The following ADGRA2 variants were observed in gnomAD, a reference collection of about 807,000 sequenced individuals.
ADGRA2 encodes the protein G-protein coupled receptor 124.
ADGRA2 carries 61 observed loss-of-function variants against 98.7 expected under a neutral mutation model. The observed-to-expected ratio is 0.62, with a 90% CI of 0.50 to 0.76. The LOEUF is 0.76. Among genes scored for constraint, ADGRA2 ranks in the 30% least tolerant of loss-of-function variants. The pLI, the probability that ADGRA2 is intolerant of heterozygous loss-of-function variation, is 0.00. For missense variants in ADGRA2, 1,712 were observed against 1,860.0 expected (o/e 0.92, Z 1.46); for synonymous variants, 858 against 831.5 (o/e 1.03, Z -0.55).
At chr8:37,815,207 C>T (rs1365173398) in intron 2 of ADGRA2, among the ~76,000 whole-genome samples, 1 of 152,148 alleles carries the variant, frequency 6.6e-6, no homozygotes, top group African/African-American at 2.4e-5. Flanking sequence ...AAGTGGGGAG[C>T]GGGTTCTGAG....
chr8:37,812,353 C>T (rs1290200245), intron 1 of ADGRA2, among the ~76,000 whole-genome samples: 6 of 152,004 alleles, frequency 3.9e-5, no homozygotes, highest in African/African-American at 9.7e-5. Flanking sequence ...TGTGGCTGGG[C>T]GCGGTGGCTC....
In ADGRA2 at chr8:37,828,960, G is replaced by A. The variant is rs1341230783; in HGVS notation, c.410+1G>A. ...TGGGCCTGGGGGAGCTGAAGCGTTT[G>A]TGAGTGGCACGCCCTCCCCTGACCC... is the stretch of plus-strand genomic sequence containing the variant. On this transcript the variant is annotated splice_donor_variant, in intron 3 of 18. Coordinates refer to ENST00000412232, the MANE Select transcript of ADGRA2 (RefSeq NM_032777.10). LOFTEE classifies it high-confidence loss of function. 1 of 1,569,528 alleles carries A rather than the reference G, an allele frequency of 6.4e-7. No individual in the cohort carries two copies.
rs1804538101 is a variant in ADGRA2 at position 37,802,514 on chromosome 8, G to A, written c.266+4980G>A. Among the ~76,000 whole-genome samples, 1 of 152,166 alleles carries A rather than the reference G, an allele frequency of 6.6e-6. No individual in the cohort carries two copies. Among genetic ancestry groups the A allele is most frequent in the African/African-American group, 2.4e-5 (1 of 41,430 alleles). On this transcript the variant is annotated intron_variant, in intron 1 of 18. Transcript: ENST00000412232. This position sits in a 1 kb window ranked among gnomAD's most constrained non-coding sequence, Gnocchi z 4.7. ...CCAGAGACAGAGAAGGCCAGAGCAA[G>A]CCCAGAGACTCCAGCACCCACTCCC... is the stretch of plus-strand genomic sequence containing the variant.
chr8:37,831,115 T>G (rs1427313808), intron 7 of ADGRA2, among the ~76,000 whole-genome samples, 192 bp downstream of exon 7: 1 of 152,182 alleles, frequency 6.6e-6, no homozygotes, highest in Non-Finnish European at 1.5e-5. Context: ...TAGAACAAAA[T>G]GATGATACTT....
In ADGRA2 at chr8:37,844,756, C is replaced by G; in HGVS notation, c.*2401C>G. ...TTTCCCACCTCCCCTTCTCCTTGCC[C>G]CTGTCCCCACCCCGGTGGCTCCTTC... is the stretch of plus-strand genomic sequence containing the variant. On this transcript the variant is annotated 3_prime_UTR_variant, in exon 19 of 19. Transcript: ENST00000412232. 1 of 1,614,072 alleles carries G rather than the reference C, an allele frequency of 6.2e-7. No homozygotes were observed. The highest frequency in any genetic ancestry group is 1.3e-5 in the African/African-American group (1 of 75,030).
At chr8:37,833,644 G>C (rs1370200490) in intron 9 of ADGRA2, 44 bp from the exon 10 acceptor site, 2 of 1,604,764 alleles carry the variant, frequency 1.2e-6, no homozygotes, top group African/African-American at 2.7e-5. Flanking sequence ...TTCGGGGGCA[G>C]AAGGAACAGG....
rs1236052753 is a variant in ADGRA2, at chr8:37,829,887, C to T, written c.591C>T (p.His197=). 12 of 1,613,110 alleles carry T rather than the reference C, an allele frequency of 7.4e-6. No individual in the cohort carries two copies. Among genetic ancestry groups the T allele is most frequent in the South Asian group, 3.3e-5 (3 of 91,064 alleles). The part of the protein sequence containing the change: ...LGTEFLTCDC[H]LRWLLPWAQN... ...CCGAGTTCCTGACCTGTGACTGCCA[C>T]CTGCGCTGGCTGCTGCCCTGGGCCC... Residue 197 remains histidine (H), a synonymous_variant, in exon 6 of 19, where the codon CAC becomes CAT. Coordinates refer to ENST00000412232, the MANE Select transcript of ADGRA2 (RefSeq NM_032777.10).
rs759018572 is a variant in ADGRA2, at chr8:37,797,426, G to C, written c.158G>C (p.Gly53Ala). ...AAGTGCTCGGGGGAGCGGCCCAAGG[G>C]GCTGAGCGGCGGCGTCCCTGGCCCG... ...SCKCSGERPK[G>A]LSGGVPGPAR... Residue 53 changes from glycine to alanine, a missense_variant, in exon 1 of 19, where the codon GGG becomes GCG. Coordinates refer to ENST00000412232, the MANE Select transcript of ADGRA2 (RefSeq NM_032777.10). The surrounding 1 kb of genome is among the most constrained non-coding windows in gnomAD (Gnocchi z 5.3). 7.0e-7 allele frequency: 1 copy of C among 1,424,070 alleles called. No homozygotes were observed. Among genetic ancestry groups the C allele is most frequent in the South Asian group, 1.5e-5 (1 of 66,034 alleles). The allele number at this position is 1,424,070 out of a possible 1,614,324, so 88.2% of individuals were successfully genotyped here.
intron 1 of ADGRA2, among the ~76,000 whole-genome samples, chr8:37,812,813 G>C (rs964638147): frequency 6.6e-6 from 1 of 151,788 alleles, no homozygotes; most frequent in Non-Finnish European, 1.5e-5. Flanking sequence ...GGGACTATAG[G>C]TACCATGCCA....
intron 1 of ADGRA2, among the ~76,000 whole-genome samples, chr8:37,804,790 G>A (rs572055211): frequency 2.7e-4 from 41 of 152,270 alleles, no homozygotes; most frequent in Non-Finnish European, 8.8e-5. Flanking sequence ...GCCCTAATCC[G>A]TTTTCCTCCA....
intron 2 of ADGRA2, among the ~76,000 whole-genome samples, chr8:37,826,728 TCCCAGCGGG>T (rs1805294703): frequency 6.6e-6 from 1 of 152,076 alleles, no homozygotes; most frequent in African/African-American, 2.4e-5. Context: ...TTTCCTCTCC[TCCCAGCGGG>T]CAGCCGGCTT....
Position 37,839,487 on chromosome 8 carries a change from GT to G in ADGRA2, c.2388-9del. On this transcript the variant is annotated splice_polypyrimidine_tract_variant and intron_variant, in intron 15 of 18. Coordinates refer to ENST00000412232, the MANE Select transcript of ADGRA2 (RefSeq NM_032777.10). ...GTTGGACGGCCATTAATTCGAGACT[GT>G]TTCCGGGCAGCTCCATCCGTGTGTC... is the stretch of plus-strand genomic sequence containing the variant. 6.2e-7 allele frequency: 1 copy of G among 1,614,030 alleles called. No homozygotes were observed. The highest frequency in any genetic ancestry group is 8.5e-7 in the Non-Finnish European group (1 of 1,179,970).
chr8:37,799,144 A>G (rs2129880004), intron 1 of ADGRA2, among the ~76,000 whole-genome samples: 1 of 152,314 alleles, frequency 6.6e-6, no homozygotes, highest in East Asian at 1.9e-4. Flanking sequence ...TGAGAGGCAG[A>G]GGCGGGTGGA....
chr8:37,835,087 C>A, intron 11 of ADGRA2, 87 bp from the exon 12 acceptor site: 1 of 922,054 alleles, frequency 1.1e-6, no homozygotes, highest in African/African-American at 1.6e-5. Context: ...AGGACTACAG[C>A]CTGAGCAGGC....
At position 37,839,639 on chromosome 8, in the gene ADGRA2, G is replaced by T. The variant is rs1805731760; in HGVS notation, c.2511+17G>T. On this transcript the variant is annotated intron_variant, in intron 16 of 18. Coordinates refer to ENST00000412232, the MANE Select transcript of ADGRA2 (RefSeq NM_032777.10). ...TGCCAGGCGGTAAGCAGGAGAAGGG[G>T]CTCTGGGGGTGGTGCTCCGAGATGA... The T allele has an allele frequency of 6.2e-7, 1 of 1,612,942 alleles. No individual in the cohort carries two copies. The highest frequency in any genetic ancestry group is 1.7e-5 in the Admixed American group (1 of 59,932).
chr8:37,823,476 C>T (rs1233053635), intron 2 of ADGRA2, among the ~76,000 whole-genome samples: 8 of 152,180 alleles, frequency 5.3e-5, no homozygotes, highest in African/African-American at 1.9e-4. Context: ...GTTGGGATTA[C>T]AGGCTTGAGC....
Position 37,844,767 on chromosome 8 carries a change from C to T in ADGRA2, c.*2412C>T. On this transcript the variant is annotated 3_prime_UTR_variant, in exon 19 of 19. Transcript: ENST00000412232. ...CCCTTCTCCTTGCCCCTGTCCCCAC[C>T]CCGGTGGCTCCTTCTCTCGGGTCTC... The T allele has an allele frequency of 6.2e-7, 1 of 1,614,026 alleles. No individual in the cohort carries two copies. The highest frequency in any genetic ancestry group is 8.5e-7 in the Non-Finnish European group (1 of 1,179,976).
In ADGRA2 at chr8:37,842,247, CGG is replaced by C; in HGVS notation, c.3910_3911del (p.Gly1304ArgfsTer86). The C allele has an allele frequency of 6.4e-7, 1 of 1,556,228 alleles. No individual in the cohort carries two copies. Among genetic ancestry groups the C allele is most frequent in the Non-Finnish European group, 8.7e-7 (1 of 1,151,318 alleles). On this transcript the variant is annotated frameshift_variant, in exon 19 of 19. Coordinates refer to ENST00000412232, the MANE Select transcript of ADGRA2 (RefSeq NM_032777.10). LOFTEE classifies it low-confidence loss of function (END_TRUNC). ...SYPLNAASLNGAPKGGKYDDV... is the reference protein window; with the variant it reads ...SYPLNAASLNXAPKGGKYDDV... ...ACCCGCTCAACGCCGCCAGCCTAAA[CGG>C]CGCCCCCAAGGGGGGCAAGTACGAC...
At chr8:37,821,944 C>T (rs1805140117) in intron 2 of ADGRA2, among the ~76,000 whole-genome samples, 1 of 152,066 alleles carries the variant, frequency 6.6e-6, no homozygotes, top group African/African-American at 2.4e-5. Flanking sequence ...GGCTCTGTCC[C>T]TCCTCCCCTC....
Sources: gnomAD v4.1 joint callset for allele counts (sites outside exome capture counted in the v4.1 genomes callset) on GRCh38, gnomAD v4.1.1 for gene constraint, Gnocchi (gnomAD v3.1) non-coding constraint, MANE v1.5 for transcripts, NCBI Gene and HGNC (gene_info 2026-07-23, HGNC 2026-07-21) for gene names.